Variants in TBC1D8B observed in about 807,000 individuals in gnomAD.
TBC1D8B encodes the protein TBC1 domain family member 8B, also known as RP11-321G1.1.
A neutral mutation model predicts 82.9 loss-of-function variants in TBC1D8B; 75 were observed. The ratio of observed to expected loss-of-function variants is 0.90; its 90% CI spans 0.75 to 1.10. The LOEUF (loss-of-function observed/expected upper bound fraction) is 1.10. Ranked by LOEUF, TBC1D8B falls within the 50% of genes least tolerant of loss-of-function variation. TBC1D8B has a pLI of 0.00. For synonymous variants in TBC1D8B, 276 were observed against 276.8 expected, an observed-to-expected ratio of 1.00 and a Z score of 0.03; for missense variants, 794 against 796.9, an observed-to-expected ratio of 1.00 and a Z score of 0.04.
intron 14 of TBC1D8B, among the ~76,000 whole-genome samples, chrX:106,859,633 A>C (rs1462923426): frequency 9.0e-6 from 1 of 111,633 alleles, no homozygotes; most frequent in Non-Finnish European, 1.9e-5. Flanking sequence ...GAATCATATC[A>C]TCTGCAAATA....
At chrX:106,861,257 G>A (rs1014130316) in intron 14 of TBC1D8B, among the ~76,000 whole-genome samples, 1 of 111,353 alleles carries the variant, frequency 9.0e-6, no homozygotes, top group African/African-American at 3.3e-5. Context: ...CAAGTGTTGA[G>A]TTCAGGTCCC....
chrX:106,871,954 G>A (rs1412272248), intron 20 of TBC1D8B, among the ~76,000 whole-genome samples: 4 of 111,166 alleles, frequency 3.6e-5, no homozygotes, highest in Non-Finnish European at 7.5e-5. Context: ...CCACCCTCCC[G>A]GCATGAGGAT....
chrX:106,861,810 G>T (rs1480453397), intron 14 of TBC1D8B, among the ~76,000 whole-genome samples: 2 of 111,919 alleles, frequency 1.8e-5, no homozygotes, highest in Non-Finnish European at 3.8e-5. Context: ...ATGCAAAACT[G>T]ATTGTGTAGT....
Position 106,827,237 on chromosome X carries a change from C to G in TBC1D8B, c.1103C>G (p.Ala368Gly), listed in dbSNP as rs764471741. The change falls in exon 7 of 21, where the codon GCT becomes GGT. Residue 368 changes from alanine to glycine, a missense_variant. Transcript: ENST00000357242. ...ATCATTAGCATCAAAGGAAAAACAGCTTTTCGCTTCCATGAAGTTAAAGAC... is the reference window on the plus strand; with the variant it reads ...ATCATTAGCATCAAAGGAAAAACAGGTTTTCGCTTCCATGAAGTTAAAGAC... ...SVIISIKGKTAFRFHEVKDFE... is the reference protein window; with the variant it reads ...SVIISIKGKTGFRFHEVKDFE... 3.8e-5 allele frequency: 46 copies of G among 1,209,468 alleles called. No homozygotes were observed. Among genetic ancestry groups the G allele is most frequent in the Non-Finnish European group, 5.1e-5 (46 of 894,823 alleles).
chrX:106,847,098 A>G (rs1932472662), intron 10 of TBC1D8B, among the ~76,000 whole-genome samples: 1 of 112,046 alleles, frequency 8.9e-6, no homozygotes. Flanking sequence ...TTTCATTTCT[A>G]GGTATGTGTC....
At chrX:106,841,294 C>T (rs1314558802) in intron 10 of TBC1D8B, among the ~76,000 whole-genome samples, 1 of 111,493 alleles carries the variant, frequency 9.0e-6, no homozygotes, top group Non-Finnish European at 1.9e-5. Context: ...TATTTTTCAT[C>T]TGGAGGAGTC....
In TBC1D8B at chrX:106,875,958, G is replaced by A. The variant is rs2147778628; in HGVS notation, c.*1993G>A. 8.9e-6 allele frequency: 1 copy of A among 111,875 alleles called. No homozygotes were observed. Among genetic ancestry groups the A allele is most frequent in the Non-Finnish European group, 1.9e-5 (1 of 53,099 alleles). The allele number at this position is 111,875 out of a possible 1,213,427, so 9.2% of individuals were successfully genotyped here. Reference sequence around the variant, plus strand: ...AAACATTTATTTTCTGAGTCTGCAGGAGAAACAAACTAAACATTATAGTTT... The same window carrying A: ...AAACATTTATTTTCTGAGTCTGCAGAAGAAACAAACTAAACATTATAGTTT... On this transcript the variant is annotated 3_prime_UTR_variant, in exon 21 of 21. Transcript: ENST00000357242.
chrX:106,818,730 A>G lies in TBC1D8B; in HGVS notation c.198A>G (p.Leu66=), dbSNP rs773490726. The part of the protein sequence containing the change: ...STAKVAPFRI[L]HQTPDSQVYL... ...CTAAAGTAGCTCCATTTCGCATCCT[A>G]CACCAGACACCAGATTCTCAAGTTT... is the stretch of plus-strand genomic sequence containing the variant. Residue 66 remains leucine (L), a synonymous_variant, in exon 2 of 21, where the codon CTA becomes CTG. Transcript: ENST00000357242. 3 of 1,207,117 alleles carry G rather than the reference A, an allele frequency of 2.5e-6. No individual in the cohort carries two copies. In the South Asian group the frequency reaches 5.3e-5, roughly 21 times the overall value.
intron 4 of TBC1D8B, among the ~76,000 whole-genome samples, 185 bp downstream of exon 4, chrX:106,822,387 G>C (rs1004813470): frequency 8.9e-6 from 1 of 111,826 alleles, no homozygotes; most frequent in East Asian, 2.8e-4. Context: ...AAAACCATTA[G>C]AAGTGTATAT....
At chrX:106,840,966 C>A (rs1162881387) in intron 10 of TBC1D8B, 82 bp downstream of exon 10, 1 of 884,969 alleles carries the variant, frequency 1.1e-6, no homozygotes, top group Non-Finnish European at 1.6e-6. Context: ...TTGGAAGTGG[C>A]GATTATAAGG....
In TBC1D8B at chrX:106,869,493, C is replaced by A; in HGVS notation, c.2821C>A (p.Pro941Thr). The A allele has an allele frequency of 3.3e-6, 4 of 1,207,213 alleles. No individual in the cohort carries two copies. The highest frequency in any genetic ancestry group is 4.5e-6 in the Non-Finnish European group (4 of 892,637). Residue 941 changes from proline (P) to threonine (T), a missense_variant, in exon 19 of 21, where the codon CCT becomes ACT. Transcript: ENST00000357242. Reference sequence around the variant, plus strand: ...TACATCTTTTCTTATAGTTTCCAAGCCTGCAAATGAGAAGGAAGCAGAATC... The same window carrying A: ...TACATCTTTTCTTATAGTTTCCAAGACTGCAAATGAGAAGGAAGCAGAATC... Reference protein sequence around the residue: ...LYFSQLHVSKPANEKEAESAK... With the variant: ...LYFSQLHVSKTANEKEAESAK...
At chrX:106,835,842 A>T (rs1481839824) in intron 7 of TBC1D8B, among the ~76,000 whole-genome samples, 1 of 111,783 alleles carries the variant, frequency 8.9e-6, no homozygotes, top group Non-Finnish European at 1.9e-5. Context: ...AAGCCATTCA[A>T]CAAGTCTATA....
chrX:106,859,906 A>T (rs1696248234), intron 14 of TBC1D8B, among the ~76,000 whole-genome samples: 1 of 112,078 alleles, frequency 8.9e-6, no homozygotes, highest in African/African-American at 3.2e-5. Context: ...ACACGAAGTG[A>T]TGTTGAATCT....
chrX:106,810,591 A>C (rs138803536), intron 1 of TBC1D8B, among the ~76,000 whole-genome samples: 325 of 112,177 alleles, frequency 2.9e-3, no homozygotes, highest in African/African-American at 0.01. Flanking sequence ...AAATTTCCAC[A>C]AGATATTCCA....
chrX:106,820,444 G>T (rs920607925), intron 2 of TBC1D8B, among the ~76,000 whole-genome samples: 1 of 111,323 alleles, frequency 9.0e-6, no homozygotes, highest in Non-Finnish European at 1.9e-5. Flanking sequence ...AGCATGCATA[G>T]GATTGTCACA....
rs1486970899 is a variant in TBC1D8B, at chrX:106,806,225, C to T, written c.130+3242C>T. ...TAGTGGATATCTGATAGATTACTGA[C>T]CATTTGCCTAACTTTATCTTAATTG... On this transcript the variant is annotated intron_variant, in intron 1 of 20. Transcript: ENST00000357242. Among the ~76,000 whole-genome samples the T allele has an allele frequency of 1.2e-4, 13 of 112,142 alleles. No individual in the cohort carries two copies. In the Admixed American group the frequency reaches 1.2e-3, roughly 11 times the overall value.
chrX:106,819,656 C>G lies in TBC1D8B; in HGVS notation c.241+883C>G, dbSNP rs1026508691. Among the ~76,000 whole-genome samples, 3 of 110,839 alleles carry G rather than the reference C, an allele frequency of 2.7e-5. No individual in the cohort carries two copies. The Admixed American group carries it at 2.9e-4, about 11-fold the overall frequency. ...GTTTTTTATATTTCCGCCTAAATTT[C>G]TTTTAGTGTTGCCAGTGAGTCTTTC... is the stretch of plus-strand genomic sequence containing the variant. On this transcript the variant is annotated intron_variant, in intron 2 of 20. Transcript: ENST00000357242.
chrX:106,827,181 A>T lies in TBC1D8B; in HGVS notation c.1047A>T (p.Ile349=). The change falls in exon 7 of 21, where the codon ATA becomes ATT. Residue 349 remains isoleucine, a synonymous_variant. Coordinates refer to ENST00000357242, the MANE Select transcript of TBC1D8B (RefSeq NM_017752.3). ...TTTTCACCCCCTAGGTCTTAGCTAT[A>T]GATAAGACAAATGATTCCAGCAAAT... The part of the protein sequence containing the change: ...VIIPLREVLA[I]DKTNDSSKSV... The T allele has an allele frequency of 8.3e-7, 1 of 1,210,977 alleles. No homozygotes were observed. Among genetic ancestry groups the T allele is most frequent in the Non-Finnish European group, 1.1e-6 (1 of 894,918 alleles).
rs1253424383 is a variant in TBC1D8B at position 106,839,389 on chromosome X, A to G, written c.1285A>G (p.Thr429Ala). ...GACAAGTCAGAGGGAATGCAGTAAA[A>G]CTGTGAACACTGAAGCCTTAATGAC... ...SLTSQRECSK[T>A]VNTEALMTVF... is the part of the protein sequence containing the mutation. The change falls in exon 8 of 21, where the codon ACT (threonine) becomes GCT (alanine). Residue 429 changes from threonine to alanine, a missense_variant. Coordinates refer to ENST00000357242, the MANE Select transcript of TBC1D8B (RefSeq NM_017752.3). The G allele has an allele frequency of 1.7e-6, 2 of 1,193,150 alleles. No individual in the cohort carries two copies.
Sources: allele counts gnomAD v4.1 joint callset (sites outside exome capture counted in the v4.1 genomes callset), GRCh38; gene constraint gnomAD v4.1.1; transcripts MANE v1.5; gene names NCBI Gene and HGNC (gene_info 2026-07-23, HGNC 2026-07-21).